The following HEATR5B variants were observed in gnomAD, a reference collection of about 807,000 sequenced individuals.
HEATR5B encodes HEAT repeat containing 5B, also known as HEAT repeat-containing protein 5B.
In HEATR5B, 156 loss-of-function variants were observed where a neutral mutation model predicts 224.1. The ratio of observed to expected loss-of-function variants is 0.70; its 90% CI spans 0.61 to 0.80. The LOEUF (loss-of-function observed/expected upper bound fraction) is 0.80. HEATR5B is among the 30% of genes least tolerant of loss of function. The pLI, the probability that HEATR5B is intolerant of heterozygous loss-of-function variation, is 0.00. For missense variants in HEATR5B, 2,323 were observed against 2,535.5 expected (o/e 0.92, Z 1.80); for synonymous variants, 1,027 against 893.0 (o/e 1.15, Z -2.68).
At chr2:37,059,460 A>ATTT (rs1182337163) in intron 12 of HEATR5B, among the ~76,000 whole-genome samples, 6 of 105,210 alleles carry the variant, frequency 5.7e-5, no homozygotes, top group South Asian at 7.3e-4. Flanking sequence ...ATATATATAT[A>ATTT]TATATTTTTT....
At chr2:37,026,769 T>A (rs987743525) in intron 24 of HEATR5B, among the ~76,000 whole-genome samples, 5 of 152,126 alleles carry the variant, frequency 3.3e-5, no homozygotes, top group African/African-American at 9.7e-5. Flanking sequence ...ATATTCAGAG[T>A]CTCATTTTAT....
In HEATR5B at chr2:36,988,810, T is replaced by C. The variant is rs200769161; in HGVS notation, c.5747A>G (p.Asn1916Ser). Residue 1916 changes from asparagine (N) to serine (S), a missense_variant, in exon 35 of 36, where the codon AAT becomes AGT. By Grantham distance (46) the Asn-to-Ser change is conservative. This residue lies in a region of HEATR5B where 844 missense variants were observed against 812.9 expected (regional missense o/e 1.04). Coordinates refer to ENST00000233099, the MANE Select transcript of HEATR5B (RefSeq NM_019024.3). ...AATATAAGGAGTTGAAAGGGCACGA[T>C]TGGAATGCTGGAAGACTGAGAGGAG... ...QLLLSVFQHS[N>S]RALSTPYIHS... is the part of the protein sequence containing the mutation. 4.5e-5 allele frequency: 72 copies of C among 1,614,076 alleles called. No homozygotes were observed. The highest frequency in any genetic ancestry group is 1.3e-4 in the African/African-American group (10 of 75,032).
chr2:37,025,712 C>T (rs1668727912), intron 24 of HEATR5B, among the ~76,000 whole-genome samples: 1 of 151,994 alleles, frequency 6.6e-6, no homozygotes, highest in African/African-American at 2.4e-5. Context: ...GGTAAAAGGA[C>T]AAGACACAAT....
At chr2:36,994,923 T>C (rs1220573097) in intron 33 of HEATR5B, among the ~76,000 whole-genome samples, 2 of 150,212 alleles carry the variant, frequency 1.3e-5, no homozygotes. Flanking sequence ...GCTAATTTTT[T>C]GTATTTTTAG....
intron 32 of HEATR5B, among the ~76,000 whole-genome samples, chr2:37,001,075 C>T (rs1558711777): frequency 1.3e-5 from 2 of 152,032 alleles, no homozygotes; most frequent in Non-Finnish European, 2.9e-5. Flanking sequence ...AATACTTCAC[C>T]TATTTAATAT....
intron 12 of HEATR5B, 110 bp from the exon 13 acceptor site, chr2:37,059,097 T>C (rs1671091359): frequency 1.7e-6 from 1 of 574,190 alleles, no homozygotes; most frequent in African/African-American, 1.9e-5. Context: ...TATTATAACG[T>C]ATAAGGTTCT....
chr2:37,004,387 T>C (rs1667281242), intron 30 of HEATR5B, among the ~76,000 whole-genome samples: 1 of 150,868 alleles, frequency 6.6e-6, no homozygotes, highest in African/African-American at 2.4e-5. Context: ...TCTCTCTAGT[T>C]AGGCTACTCT....
intron 18 of HEATR5B, among the ~76,000 whole-genome samples, chr2:37,048,942 G>C (rs918814555): frequency 1.3e-5 from 2 of 152,156 alleles, no homozygotes; most frequent in Non-Finnish European, 2.9e-5. Flanking sequence ...CCATGACATA[G>C]TTTGCTATAT....
chr2:37,039,019 G>C (rs1193028227), intron 20 of HEATR5B, among the ~76,000 whole-genome samples: 1 of 151,776 alleles, frequency 6.6e-6, no homozygotes. Context: ...ATAGCATAGA[G>C]ATTAAGAATG....
intron 17 of HEATR5B, among the ~76,000 whole-genome samples, chr2:37,053,210 A>C (rs999234962): frequency 5.3e-5 from 8 of 152,256 alleles, no homozygotes; most frequent in African/African-American, 1.9e-4. Flanking sequence ...CCTTCAGTAG[A>C]ATATCCGATT....
intron 6 of HEATR5B, among the ~76,000 whole-genome samples, chr2:37,071,286 A>T (rs1466038761): frequency 6.6e-6 from 1 of 152,186 alleles, no homozygotes; most frequent in African/African-American, 2.4e-5. Flanking sequence ...TTTCTATGAT[A>T]CAGAGGTGGG....
At chr2:37,020,041 T>G (rs1386599891) in intron 25 of HEATR5B, among the ~76,000 whole-genome samples, 164 bp from the exon 26 acceptor site, 2 of 152,042 alleles carry the variant, frequency 1.3e-5, no homozygotes, top group African/African-American at 4.8e-5. Flanking sequence ...GTAGCTGGGA[T>G]TATAGGCATG....
intron 26 of HEATR5B, among the ~76,000 whole-genome samples, chr2:37,016,681 A>T (rs1432840538): frequency 4.6e-5 from 7 of 152,232 alleles, no homozygotes; most frequent in Admixed American, 4.6e-4. Flanking sequence ...CTGCCAAATA[A>T]ATGATTAAAA....
At chr2:36,990,531 A>G in intron 34 of HEATR5B, 117 bp downstream of exon 34, 1 of 894,730 alleles carries the variant, frequency 1.1e-6, no homozygotes. Flanking sequence ...TCCATTTAAA[A>G]GCCATAGTGC....
At chr2:36,982,644 A>G (rs557361977) in intron 35 of HEATR5B, among the ~76,000 whole-genome samples, 9 of 152,276 alleles carry the variant, frequency 5.9e-5, no homozygotes, top group African/African-American at 2.2e-4. Context: ...CACTGATGTC[A>G]GCAAGGACAG....
At chr2:37,000,529 CA>C in intron 33 of HEATR5B, 56 bp downstream of exon 33, 1 of 1,352,674 alleles carries the variant, frequency 7.4e-7, no homozygotes, top group Non-Finnish European at 1.1e-6. Context: ...TCAACTAATT[CA>C]TTACTTAGGG....
intron 12 of HEATR5B, among the ~76,000 whole-genome samples, chr2:37,059,446 G>GTGTGTGTATA (rs1354982525): frequency 1.4e-4 from 6 of 42,308 alleles, no homozygotes; most frequent in African/African-American, 4.8e-4. Context: ...GTGTGTGTGT[G>GTGTGTGTATA]TATATATATA....
intron 35 of HEATR5B, among the ~76,000 whole-genome samples, chr2:36,983,671 C>T (rs923381163): frequency 4.0e-5 from 6 of 150,130 alleles, no homozygotes; most frequent in African/African-American, 1.5e-4. Flanking sequence ...GAGGTCTCAG[C>T]GAGCAGAGAT....
At chr2:37,021,615 G>A (rs1668462909) in intron 24 of HEATR5B, among the ~76,000 whole-genome samples, 2 of 152,062 alleles carry the variant, frequency 1.3e-5, no homozygotes, top group African/African-American at 4.8e-5. Context: ...TAGGCAGGGC[G>A]AAGTGGCTCA....
Sources: allele counts gnomAD v4.1 joint callset (sites outside exome capture counted in the v4.1 genomes callset), GRCh38; gene constraint gnomAD v4.1.1; regional missense constraint gnomAD v4.1.1; transcripts MANE v1.5; gene names NCBI Gene and HGNC (gene_info 2026-07-23, HGNC 2026-07-21).